PSMD8: variants seen among roughly 807,000 people sequenced by gnomAD.
PSMD8 encodes proteasome 26S subunit, non-ATPase 8.
A neutral mutation model predicts 40.0 loss-of-function variants in PSMD8; 30 were observed. The ratio of observed to expected loss-of-function variants is 0.75; its 90% CI spans 0.56 to 1.02. PSMD8 has a LOEUF of 1.02. Ranked by LOEUF, PSMD8 falls within the 50% of genes least tolerant of loss-of-function variation. The probability of loss-of-function intolerance (pLI) is 0.00; values close to 1 mark genes in which losing one functional copy is unlikely to be tolerated. For missense variants in PSMD8, 461 were observed against 463.9 expected, an observed-to-expected ratio of 0.99 and a Z score of 0.06; for synonymous variants, 208 against 192.5, an observed-to-expected ratio of 1.08 and a Z score of -0.67.
At chr19:38,378,016 T>G (rs1481305772) in intron 3 of PSMD8, among the ~76,000 whole-genome samples, 1 of 152,332 alleles carries the variant, frequency 6.6e-6, no homozygotes, top group East Asian at 1.9e-4. Context: ...CTTACCTGGG[T>G]TGAATCATTT....
Position 38,380,935 on chromosome 19 carries a change from G to A in PSMD8, c.739G>A (p.Ala247Thr). ...GGGCAGCTACAACAAAGTGTTCCTG[G>A]CCAAGGGTAACATCCCCGCCGAGAG... is the stretch of plus-strand genomic sequence containing the variant. ...MEGSYNKVFL[A>T]KGNIPAESYT... Residue 247 changes from alanine (A) to threonine (T), a missense_variant, in exon 5 of 7, where the codon GCC becomes ACC. Ala to Thr is a moderately conservative substitution (Grantham distance 58). Coordinates refer to ENST00000215071, the MANE Select transcript of PSMD8 (RefSeq NM_002812.5). The A allele has an allele frequency of 6.6e-7, 1 of 1,520,034 alleles. No homozygotes were observed. Among genetic ancestry groups the A allele is most frequent in the Non-Finnish European group, 8.8e-7 (1 of 1,131,956 alleles). 94.2% of individuals were successfully genotyped at this position (1,520,034 alleles called of 1,614,324 possible). A position where few individuals can be genotyped will look rare whatever the true frequency, so the allele number is the denominator to read the frequency against.
At chr19:38,375,859 G>A (rs1427845285) in intron 1 of PSMD8, among the ~76,000 whole-genome samples, 1 of 152,200 alleles carries the variant, frequency 6.6e-6, no homozygotes, top group African/African-American at 2.4e-5. Context: ...TGGGGAAGAT[G>A]GGCCAAGAAT....
intron 3 of PSMD8, among the ~76,000 whole-genome samples, chr19:38,378,948 T>A (rs1184197500): frequency 6.6e-6 from 1 of 152,068 alleles, no homozygotes; most frequent in Admixed American, 6.6e-5. Flanking sequence ...GAGAGACTCC[T>A]TCTCAAAAAA....
At chr19:38,383,076 T>A (rs1970656266) in intron 6 of PSMD8, among the ~76,000 whole-genome samples, 177 bp from the exon 7 acceptor site, 1 of 152,046 alleles carries the variant, frequency 6.6e-6, no homozygotes, top group Non-Finnish European at 1.5e-5. Flanking sequence ...AGGGTCCCAG[T>A]CTCAACACAG....
intron 4 of PSMD8, among the ~76,000 whole-genome samples, chr19:38,380,468 C>T (rs530822841): frequency 5.7e-4 from 86 of 152,170 alleles, no homozygotes; most frequent in Admixed American, 4.1e-3. Context: ...GTTCCTGGAG[C>T]TGACATCTTA....
At chr19:38,381,813 A>G (rs972529462) in intron 5 of PSMD8, among the ~76,000 whole-genome samples, 1 of 152,150 alleles carries the variant, frequency 6.6e-6, no homozygotes, top group Non-Finnish European at 1.5e-5. Context: ...TTATGAGAAG[A>G]GATGCCCTCA....
At chr19:38,378,268 G>A (rs999645634) in intron 3 of PSMD8, among the ~76,000 whole-genome samples, 1 of 152,176 alleles carries the variant, frequency 6.6e-6, no homozygotes, top group Non-Finnish European at 1.5e-5. Context: ...AGCACTTTGG[G>A]AGGCCAAGGT....
intron 2 of PSMD8, 39 bp downstream of exon 2, chr19:38,376,271 G>A (rs774260275): frequency 1.8e-5 from 28 of 1,556,302 alleles, no homozygotes; most frequent in Non-Finnish European, 2.4e-5. Flanking sequence ...GATAATCTGG[G>A]GGTCATGGCA....
intron 3 of PSMD8, among the ~76,000 whole-genome samples, chr19:38,378,367 G>A (rs1970613605): frequency 6.6e-6 from 1 of 152,070 alleles, no homozygotes; most frequent in Non-Finnish European, 1.5e-5. Context: ...AATTAGCCAG[G>A]TGTGGTGGTG....
chr19:38,376,327 T>C (rs1471195697), intron 2 of PSMD8, 25 bp from the exon 3 acceptor site: 4 of 1,542,694 alleles, frequency 2.6e-6, no homozygotes, highest in Non-Finnish European at 2.6e-6. Flanking sequence ...AGTCACCTCC[T>C]GAGAGCTCAC....
At chr19:38,382,753 CAAA>C (rs748987894) in intron 6 of PSMD8, 1 of 179,252 alleles carries the variant, frequency 5.6e-6, no homozygotes, top group Non-Finnish European at 1.2e-5. Flanking sequence ...CTAAAAAATA[CAAA>C]AAAAATTAGC....
At chr19:38,376,122 C>T (rs1009763999) in intron 1 of PSMD8, 38 bp from the exon 2 acceptor site, 3 of 1,532,466 alleles carry the variant, frequency 2.0e-6, no homozygotes, top group Non-Finnish European at 2.7e-6. Context: ...ATTTGAATTC[C>T]CTTCTTTTCT....
At chr19:38,381,888 G>A (rs1366894847) in intron 5 of PSMD8, among the ~76,000 whole-genome samples, 1 of 152,092 alleles carries the variant, frequency 6.6e-6, no homozygotes, top group Non-Finnish European at 1.5e-5. Context: ...CAGAGTGTGG[G>A]CCCAGGAGTC....
In PSMD8 at chr19:38,383,318, C is replaced by T. The variant is rs755895362; in HGVS notation, c.981C>T (p.Asp327=). 9 of 1,613,708 alleles carry T rather than the reference C, an allele frequency of 5.6e-6. No individual in the cohort carries two copies. The highest frequency in any genetic ancestry group is 1.3e-5 in the African/African-American group (1 of 74,864). ...CCAGCCAGCAGCAGAAGCCGGAAGA[C>T]ACCACCATTCCCTCCACAGAACTGG... ...SFASQQQKPE[D]TTIPSTELAK... Residue 327 remains aspartate (D), a synonymous_variant, in exon 7 of 7, where the codon GAC becomes GAT. Transcript: ENST00000215071.
intron 3 of PSMD8, among the ~76,000 whole-genome samples, chr19:38,378,360 TAGCC>T (rs1053872305): frequency 6.6e-6 from 1 of 151,292 alleles, no homozygotes; most frequent in Non-Finnish European, 1.5e-5. Flanking sequence ...ATACAAAAAT[TAGCC>T]AGGTGTGGTG....
intron 3 of PSMD8, 65 bp from the exon 4 acceptor site, chr19:38,379,175 T>C: frequency 6.6e-7 from 1 of 1,515,738 alleles, no homozygotes; most frequent in Non-Finnish European, 9.0e-7. Context: ...TCCTGGAGCC[T>C]GGGGTAGAGG....
At chr19:38,381,092 G>T in intron 5 of PSMD8, 93 bp downstream of exon 5, 1 of 1,026,504 alleles carries the variant, frequency 9.7e-7, no homozygotes, top group Non-Finnish European at 1.4e-6. Context: ...GCCATTGGTT[G>T]TCTGGGTAGG....
At chr19:38,380,723 T>TGTGTGTGTGCGCGCGCGCGTGCGCGC (rs575195574) in intron 4 of PSMD8, among the ~76,000 whole-genome samples, 176 bp from the exon 5 acceptor site, 28 of 143,892 alleles carry the variant, frequency 1.9e-4, no homozygotes, top group East Asian at 4.4e-4. Flanking sequence ...TGTGTGTGTG[T>TGTGTGTGTGCGCGCGCGCGTGCGCGC]GTGTGTGCGC....
At chr19:38,375,894 C>T (rs79730673) in intron 1 of PSMD8, among the ~76,000 whole-genome samples, 2,072 of 152,288 alleles carry the variant, frequency 0.014, 55 homozygotes, top group African/African-American at 0.048. Flanking sequence ...TCCCCACCGC[C>T]GCGTGATTCC....
Sources: allele counts gnomAD v4.1 joint callset (sites outside exome capture counted in the v4.1 genomes callset), GRCh38; gene constraint gnomAD v4.1.1; transcripts MANE v1.5; gene names NCBI Gene and HGNC (gene_info 2026-07-23, HGNC 2026-07-21).